The following CFAP300 variants were observed in gnomAD, a reference collection of about 807,000 sequenced individuals.
CFAP300 encodes the protein cilia- and flagella-associated protein 300.
Under a neutral mutation model 33.0 loss-of-function variants are expected in CFAP300, and 32 were observed. That is an observed-to-expected ratio of 0.97 (90% CI 0.73 to 1.30). The LOEUF is 1.30. CFAP300 is among the 50% of genes most tolerant of loss of function. The pLI is 0.00. For synonymous variants in CFAP300, 102 were observed against 106.8 expected (o/e 0.95, Z 0.28); for missense variants, 356 against 318.1 (o/e 1.12, Z -0.90).
chr11:102,056,297 A>G (rs1471431593), intron 2 of CFAP300, among the ~76,000 whole-genome samples: 4 of 152,220 alleles, frequency 2.6e-5, no homozygotes, highest in African/African-American at 9.6e-5. Flanking sequence ...TTATACCTAA[A>G]TCTTATCCAC....
At position 102,047,526 on chromosome 11, in the gene CFAP300, A is replaced by G. The variant is rs1412457465; in HGVS notation, c.56A>G (p.Gln19Arg). ...GGCTACTACTTCAGGTTCTTGCCTC[A>G]GAAAACCTTCCAGTCTCTGAGCTCT... The part of the protein sequence containing the change: ...LGGYYFRFLP[Q>R]KTFQSLSSKE... The change falls in exon 1 of 7, where the codon CAG (glutamine) becomes CGG (arginine). Residue 19 changes from glutamine to arginine, a missense_variant. By Grantham distance (43) the Gln-to-Arg change is conservative. Coordinates refer to ENST00000434758, the MANE Select transcript of CFAP300 (RefSeq NM_032930.3). 1 of 1,536,020 alleles carries G rather than the reference A, an allele frequency of 6.5e-7. No homozygotes were observed. Among genetic ancestry groups the G allele is most frequent in the Non-Finnish European group, 8.7e-7 (1 of 1,146,806 alleles).
chr11:102,078,431 C>T (rs1441343975), intron 5 of CFAP300, among the ~76,000 whole-genome samples: 3 of 152,128 alleles, frequency 2.0e-5, no homozygotes, highest in Non-Finnish European at 4.4e-5. Flanking sequence ...GGATAAAGAT[C>T]TGATATAATG....
intron 4 of CFAP300, among the ~76,000 whole-genome samples, chr11:102,070,588 A>T (rs1591323443): frequency 6.6e-6 from 1 of 152,132 alleles, no homozygotes; most frequent in East Asian, 1.9e-4. Flanking sequence ...TTATTTCCTT[A>T]TACTAACTTA....
intron 3 of CFAP300, among the ~76,000 whole-genome samples, chr11:102,064,905 C>T (rs1276269047): frequency 2.0e-5 from 3 of 151,936 alleles, no homozygotes; most frequent in Non-Finnish European, 4.4e-5. Context: ...ATGATAAATT[C>T]AGGAAATAAG....
intron 2 of CFAP300, among the ~76,000 whole-genome samples, chr11:102,054,983 C>CT (rs567430596): frequency 0.43 from 62,225 of 143,994 alleles, 13,486 homozygotes; most frequent in East Asian, 0.7. Context: ...GTTTGATATT[C>CT]TTTTTTTTTT....
chr11:102,065,836 C>T (rs1233158736), intron 3 of CFAP300, among the ~76,000 whole-genome samples: 3 of 152,048 alleles, frequency 2.0e-5, no homozygotes, highest in Admixed American at 1.3e-4. Flanking sequence ...GAAGCAATTC[C>T]TATGCTTTTA....
chr11:102,073,711 C>A (rs1017694527), intron 4 of CFAP300, among the ~76,000 whole-genome samples: 2 of 152,024 alleles, frequency 1.3e-5, no homozygotes, highest in Non-Finnish European at 2.9e-5. Flanking sequence ...GGAGAGCACA[C>A]ATTTCAGCCC....
intron 4 of CFAP300, among the ~76,000 whole-genome samples, chr11:102,072,969 G>A (rs117009345): frequency 5.8e-3 from 885 of 152,260 alleles, no homozygotes; most frequent in Middle Eastern, 0.017. Context: ...CTGGGGTGAG[G>A]TTTTGCTGGG....
At chr11:102,051,683 T>C (rs1941973405) in intron 2 of CFAP300, among the ~76,000 whole-genome samples, 1 of 152,156 alleles carries the variant, frequency 6.6e-6, no homozygotes, top group Non-Finnish European at 1.5e-5. Context: ...GAGAAACTTA[T>C]CTTTTTTCCC....
intron 4 of CFAP300, among the ~76,000 whole-genome samples, chr11:102,073,388 A>G (rs1227816939): frequency 6.6e-6 from 1 of 152,142 alleles, no homozygotes; most frequent in African/African-American, 2.4e-5. Flanking sequence ...GAGCACCCAG[A>G]TGTCAGCAGT....
At chr11:102,081,194 A>G (rs1565399296) in intron 5 of CFAP300, 21 bp from the exon 6 acceptor site, 1 of 1,579,694 alleles carries the variant, frequency 6.3e-7, no homozygotes, top group South Asian at 1.1e-5. Flanking sequence ...TGTTAAAAGC[A>G]CCTTTTCTTC....
At position 102,051,993 on chromosome 11, in the gene CFAP300, A is replaced by G. The variant is rs187977722; in HGVS notation, c.192+4097A>G. ...AGCTTTCCTAAAGTTGATATACAGA[A>G]AATCTCTTCTAATGCCTTACTGGAA... On this transcript the variant is annotated intron_variant, in intron 2 of 6. Transcript: ENST00000434758. Among the ~76,000 whole-genome samples the G allele has an allele frequency of 1.5e-3, 236 of 152,388 alleles. 1 individual carries two copies. The highest frequency in any genetic ancestry group is 2.1e-3 in the Non-Finnish European group (141 of 68,042).
intron 2 of CFAP300, among the ~76,000 whole-genome samples, chr11:102,050,097 C>T (rs943767071): frequency 1.3e-5 from 2 of 151,778 alleles, no homozygotes; most frequent in Non-Finnish European, 2.9e-5. Flanking sequence ...ACCTCTGCAC[C>T]ATAGCCTGGG....
intron 2 of CFAP300, among the ~76,000 whole-genome samples, chr11:102,051,288 G>C (rs978162637): frequency 3.3e-5 from 5 of 152,152 alleles, no homozygotes; most frequent in African/African-American, 1.2e-4. Context: ...CCAGTATATA[G>C]TGTTGACATC....
At chr11:102,061,931 C>G (rs2135028009) in intron 3 of CFAP300, among the ~76,000 whole-genome samples, 1 of 152,184 alleles carries the variant, frequency 6.6e-6, no homozygotes, top group African/African-American at 2.4e-5. Flanking sequence ...AATGAAATTC[C>G]TACATAAAAA....
Position 102,048,743 on chromosome 11 carries a change from A to T in CFAP300, c.192+847A>T, listed in dbSNP as rs139515804. Among the ~76,000 whole-genome samples the T allele has an allele frequency of 6.4e-3, 977 of 152,312 alleles. 7 individuals are homozygous for T. Among genetic ancestry groups the T allele is most frequent in the Middle Eastern group, 0.02 (6 of 294 alleles). On this transcript the variant is annotated intron_variant, in intron 2 of 6. Transcript: ENST00000434758. ...TAGAGGTGACTACTTTGAGAGAGGT[A>T]AAACTCACTTGAAAGTTTAAGTTTT...
intron 2 of CFAP300, among the ~76,000 whole-genome samples, chr11:102,058,178 C>T (rs948734): frequency 0.56 from 84,743 of 151,820 alleles, 25,009 homozygotes; most frequent in East Asian, 0.75. Context: ...GCCCTCCACC[C>T]CCGGAACATT....
intron 2 of CFAP300, among the ~76,000 whole-genome samples, chr11:102,058,124 G>A (rs1220472255): frequency 1.3e-5 from 2 of 152,072 alleles, no homozygotes; most frequent in African/African-American, 2.4e-5. Context: ...GGGCAGTTCT[G>A]CATATGATTT....
At chr11:102,074,777 G>A (rs73593082) in intron 4 of CFAP300, among the ~76,000 whole-genome samples, 14,642 of 150,212 alleles carry the variant, frequency 0.097, 989 homozygotes, top group African/African-American at 0.18. Context: ...ACAGTTCGCT[G>A]CAGCTTCAAT....
Sources: gnomAD v4.1 joint callset for allele counts (sites outside exome capture counted in the v4.1 genomes callset) on GRCh38, gnomAD v4.1.1 for gene constraint, MANE v1.5 for transcripts, NCBI Gene and HGNC (gene_info 2026-07-23, HGNC 2026-07-21) for gene names.